Variants in PRPF18 observed in about 807,000 individuals in gnomAD.
PRPF18 encodes pre-mRNA-splicing factor 18.
Under a neutral mutation model 46.5 loss-of-function variants are expected in PRPF18, and 38 were observed. That is an observed-to-expected ratio of 0.82 (90% CI 0.63 to 1.07). The LOEUF (loss-of-function observed/expected upper bound fraction) is 1.07. Ranked by LOEUF, PRPF18 falls within the 50% of genes least tolerant of loss-of-function variation. The pLI, the probability that PRPF18 is intolerant of heterozygous loss-of-function variation, is 0.00. For missense variants in PRPF18, 263 were observed against 410.0 expected (o/e 0.64, Z 3.10); for synonymous variants, 152 against 146.7 (o/e 1.04, Z -0.26).
intron 1 of PRPF18, among the ~76,000 whole-genome samples, chr10:13,587,496 G>C (rs941096734): frequency 6.6e-6 from 1 of 152,338 alleles, no homozygotes; most frequent in Non-Finnish European, 1.5e-5. Context: ...TCCCACCACC[G>C]AGTAGCAAAG....
the PRPF18 span, chr10:13,639,824 T>C: frequency 0.55 from 84,065 of 151,990 alleles, 23,671 homozygotes; most frequent in East Asian, 0.79. Context: ...TTTGTTAGGG[T>C]ATACCAGGAT....
chr10:13,613,223 A>AG (rs2080296938), intron 6 of PRPF18, among the ~76,000 whole-genome samples: 1 of 149,460 alleles, frequency 6.7e-6, no homozygotes, highest in South Asian at 2.1e-4. Flanking sequence ...GTTAAACCCA[A>AG]GGGGCACTGA....
Position 13,586,986 on chromosome 10 carries a change from CTTG to C in PRPF18, c.-95_-93del, listed in dbSNP as rs1422819289. On this transcript the variant is annotated 5_prime_UTR_variant, in exon 1 of 10. Transcript: ENST00000378572. ...TGTCAGTTGTTCTCAGGTGTTTGGG[CTTG>C]TTGTTCCGTATACTCAGTGGGTTCG... 5.7e-6 allele frequency: 7 copies of C among 1,222,966 alleles called. No homozygotes were observed. The highest frequency in any genetic ancestry group is 3.8e-4 in the Middle Eastern group (2 of 5,286). The allele number at this position is 1,222,966 out of a possible 1,614,324, so 75.8% of individuals were successfully genotyped here.
At chr10:13,587,235 C>G in intron 1 of PRPF18, 83 bp downstream of exon 1, 1 of 1,428,564 alleles carries the variant, frequency 7.0e-7, no homozygotes, top group Non-Finnish European at 9.8e-7. Context: ...TGACGATACT[C>G]AGAGGATTCG....
intron 9 of PRPF18, among the ~76,000 whole-genome samples, chr10:13,617,383 G>A (rs1042165360): frequency 3.3e-5 from 5 of 152,078 alleles, no homozygotes; most frequent in Non-Finnish European, 7.4e-5. Flanking sequence ...TTCGTGTCAT[G>A]CTTTATGCCT....
downstream of PRPF18, among the ~76,000 whole-genome samples, chr10:13,632,234 G>A (rs945294130): frequency 5.3e-5 from 8 of 152,012 alleles, no homozygotes; most frequent in African/African-American, 1.9e-4. Flanking sequence ...CCAGCTACTC[G>A]GGAGGCTGAG....
the PRPF18 span, chr10:13,651,172 A>T: frequency 6.6e-6 from 1 of 152,256 alleles, no homozygotes; most frequent in Admixed American, 6.5e-5. Flanking sequence ...GGTGCCCGGG[A>T]GACTAGCTTT....
At chr10:13,636,011 C>T in the PRPF18 span, among the ~76,000 whole-genome samples, 2 of 152,090 alleles carry the variant, frequency 1.3e-5, no homozygotes, top group African/African-American at 4.8e-5. Flanking sequence ...AACTTGTAAG[C>T]CATCTGTTAG....
chr10:13,597,192 T>C (rs994007481), intron 1 of PRPF18, among the ~76,000 whole-genome samples: 2 of 152,216 alleles, frequency 1.3e-5, no homozygotes, highest in Non-Finnish European at 2.9e-5. Flanking sequence ...CTTGGTCTCC[T>C]CTTTGCTGAT....
intron 3 of PRPF18, among the ~76,000 whole-genome samples, chr10:13,603,143 A>C (rs1174387380): frequency 6.6e-6 from 1 of 152,244 alleles, no homozygotes; most frequent in Non-Finnish European, 1.5e-5. Flanking sequence ...GTTACTGATT[A>C]ATAGTGGTAC....
At chr10:13,632,398 G>A (rs986446936), downstream of PRPF18, among the ~76,000 whole-genome samples, 1 of 152,144 alleles carries the variant, frequency 6.6e-6, no homozygotes, top group Admixed American at 6.5e-5. Flanking sequence ...GCGCAAGTGA[G>A]AGACAGACTT....
chr10:13,589,869 A>G (rs2079931207), intron 1 of PRPF18, among the ~76,000 whole-genome samples: 2 of 152,202 alleles, frequency 1.3e-5, no homozygotes, highest in African/African-American at 2.4e-5. Context: ...GGTATGGGGA[A>G]AAGCTTGTTC....
At chr10:13,592,913 T>A (rs1365596058) in intron 1 of PRPF18, among the ~76,000 whole-genome samples, 1 of 152,206 alleles carries the variant, frequency 6.6e-6, no homozygotes, top group Non-Finnish European at 1.5e-5. Context: ...AGCGCTGGCA[T>A]AAAGAGCAAC....
intron 1 of PRPF18, chr10:13,591,740 T>A: frequency 1.7e-6 from 2 of 1,198,060 alleles, no homozygotes; most frequent in African/African-American, 3.1e-5. Flanking sequence ...GAGGTGGCAA[T>A]GACAGATTTC....
At chr10:13,635,434 T>C (rs1589143340), downstream of PRPF18, among the ~76,000 whole-genome samples, 1 of 152,248 alleles carries the variant, frequency 6.6e-6, no homozygotes. Flanking sequence ...TTGGATTGAA[T>C]GGTATTACTG....
In PRPF18 at chr10:13,600,330, G is replaced by A. The variant is rs780097470; in HGVS notation, c.231G>A (p.Met77Ile). 3.1e-6 allele frequency: 5 copies of A among 1,610,466 alleles called. No homozygotes were observed. The Admixed American group carries it at 8.4e-5, about 27-fold the overall frequency. The change falls in exon 3 of 10, where the codon ATG becomes ATA. Residue 77 changes from methionine (M) to isoleucine (I), a missense_variant. Around this residue, in one of 4 missense-constraint regions of PRPF18, gnomAD observed 155 missense variants for 245.1 expected, o/e 0.63. Coordinates refer to ENST00000378572, the MANE Select transcript of PRPF18 (RefSeq NM_003675.4). ...ELELAEEKLP[M>I]TLSRQEVIRR... ...AACTGGCAGAGGAAAAATTACCTAT[G>A]ACGCTTTCTAGGCAAGAGGTAAGTT...
chr10:13,597,502 AGAG>A lies in PRPF18; in HGVS notation c.114_116del (p.Glu39del). On this transcript the variant is annotated inframe_deletion, in exon 2 of 10. Coordinates refer to ENST00000378572, the MANE Select transcript of PRPF18 (RefSeq NM_003675.4). ...AGCGTAGTGAGCTCGCCAAAAAAGA[AGAG>A]GAAGCATATTTTGAAAGATGTGGCT... is the stretch of plus-strand genomic sequence containing the variant. 2 of 1,610,696 alleles carry A rather than the reference AGAG, an allele frequency of 1.2e-6. No homozygotes were observed. The highest frequency in any genetic ancestry group is 1.7e-6 in the Non-Finnish European group (2 of 1,178,468).
intron 6 of PRPF18, 22 bp downstream of exon 6, chr10:13,611,705 A>G (rs765045013): frequency 1.9e-6 from 3 of 1,601,562 alleles, no homozygotes; most frequent in Non-Finnish European, 2.6e-6. Context: ...AGGCGAGGGG[A>G]TGAGGATGCC....
chr10:13,591,306 G>A lies in PRPF18; in HGVS notation c.66+4154G>A, dbSNP rs11817982. ...AACTTACAGACTTTTTCACTGCCCC[G>A]TTCATAGCAATACATTTTTATATAT... On this transcript the variant is annotated intron_variant, in intron 1 of 9. Coordinates refer to ENST00000378572, the MANE Select transcript of PRPF18 (RefSeq NM_003675.4). Among the ~76,000 whole-genome samples the A allele has an allele frequency of 4.5e-3, 678 of 152,206 alleles. 4 individuals are homozygous for A. Among genetic ancestry groups the A allele is most frequent in the African/African-American group, 0.016 (652 of 41,512 alleles).
Sources: gnomAD v4.1 joint callset for allele counts (sites outside exome capture counted in the v4.1 genomes callset) on GRCh38, gnomAD v4.1.1 for gene constraint, gnomAD v4.1.1 regional missense constraint, MANE v1.5 for transcripts, NCBI Gene and HGNC (gene_info 2026-07-23, HGNC 2026-07-21) for gene names.